The following MOB4 variants were observed in gnomAD, a reference collection of about 807,000 sequenced individuals.
MOB4 encodes the protein MOB family member 4, phocein.
A neutral mutation model predicts 32.2 loss-of-function variants in MOB4; 4 were observed. The observed-to-expected ratio is 0.12, with a 90% confidence interval of 0.06 to 0.28. MOB4 has a LOEUF of 0.28. MOB4 is among the 10% of genes least tolerant of loss of function. The pLI, the probability that MOB4 is intolerant of heterozygous loss-of-function variation, is 1.00. For missense variants in MOB4, 158 were observed against 271.2 expected (o/e 0.58, Z 2.93); for synonymous variants, 88 against 88.1 (o/e 1.00, Z 0.01).
At chr2:197,523,412 G>C (rs2086556257) in intron 1 of MOB4, among the ~76,000 whole-genome samples, 1 of 152,222 alleles carries the variant, frequency 6.6e-6, no homozygotes, top group African/African-American at 2.4e-5. Context: ...AGTGAGCTAT[G>C]ATTGTGCCAC....
chr2:197,529,986 T>C (rs1173008756), intron 2 of MOB4, among the ~76,000 whole-genome samples: 2 of 151,950 alleles, frequency 1.3e-5, no homozygotes, highest in Non-Finnish European at 2.9e-5. Context: ...TCATTTATTT[T>C]TGAAATGGAG....
chr2:197,541,582 C>G (rs1169012172), intron 5 of MOB4, among the ~76,000 whole-genome samples: 1 of 152,188 alleles, frequency 6.6e-6, no homozygotes. Context: ...TGGTTTCATT[C>G]AGGATGTCAC....
chr2:197,544,125 T>C (rs934333998), intron 5 of MOB4, among the ~76,000 whole-genome samples: 3 of 151,960 alleles, frequency 2.0e-5, no homozygotes, highest in African/African-American at 7.2e-5. Flanking sequence ...CAGGCTGGAG[T>C]GCAGTGGCAC....
intron 5 of MOB4, among the ~76,000 whole-genome samples, chr2:197,541,897 C>T (rs979790422): frequency 2.4e-4 from 36 of 150,960 alleles, no homozygotes; most frequent in African/African-American, 7.5e-4. Flanking sequence ...CCAGCCTGGG[C>T]GACAGAGCGA....
At position 197,551,206 on chromosome 2, in the gene MOB4, ATACT is replaced by A. The variant is rs1265886395; in HGVS notation, c.*563_*566del. 1 of 152,372 alleles carries A rather than the reference ATACT, an allele frequency of 6.6e-6. No homozygotes were observed. Among genetic ancestry groups the A allele is most frequent in the East Asian group, 1.9e-4 (1 of 5,340 alleles). 9.4% of individuals were successfully genotyped at this position (152,372 alleles called of 1,614,324 possible). A position where few individuals can be genotyped will look rare whatever the true frequency, so the allele number is the denominator to read the frequency against. On this transcript the variant is annotated 3_prime_UTR_variant, in exon 8 of 8. Transcript: ENST00000323303. ...TACAAATGCAAATGAAGCATTAGTA[ATACT>A]TAAATAATTTTACTGTGCTACATAA...
chr2:197,548,093 C>T (rs1290545850), intron 5 of MOB4, among the ~76,000 whole-genome samples: 1 of 151,894 alleles, frequency 6.6e-6, no homozygotes, highest in Non-Finnish European at 1.5e-5. Flanking sequence ...CTTGTAGGTA[C>T]GATGTTGGGA....
At position 197,553,060 on chromosome 2, in the gene MOB4, G is replaced by C. The variant is rs1231128331; in HGVS notation, c.*2414G>C. 2 of 152,106 alleles carry C rather than the reference G, an allele frequency of 1.3e-5. No homozygotes were observed. Among genetic ancestry groups the C allele is most frequent in the Non-Finnish European group, 2.9e-5 (2 of 68,028 alleles). The allele number at this position is 152,106 out of a possible 1,614,324, so 9.4% of individuals were successfully genotyped here. A position where few individuals can be genotyped will look rare whatever the true frequency, so the allele number is the denominator to read the frequency against. ...GTATACATTTCCTTTTCTCTGACTTGAGATGTCAAATTTGGATTTCTAGAA... is the reference window on the plus strand; with the variant it reads ...GTATACATTTCCTTTTCTCTGACTTCAGATGTCAAATTTGGATTTCTAGAA... On this transcript the variant is annotated 3_prime_UTR_variant, in exon 8 of 8. Coordinates refer to ENST00000323303, the MANE Select transcript of MOB4 (RefSeq NM_015387.5).
At chr2:197,531,110 C>G (rs1406354093) in intron 2 of MOB4, among the ~76,000 whole-genome samples, 2 of 148,360 alleles carry the variant, frequency 1.3e-5, no homozygotes, top group Non-Finnish European at 3.0e-5. Flanking sequence ...TGCAGTGGCG[C>G]GATCTCGGCT....
chr2:197,520,124 T>C (rs2086488535), intron 1 of MOB4, among the ~76,000 whole-genome samples: 1 of 152,116 alleles, frequency 6.6e-6, no homozygotes. Context: ...TCATTCCTTT[T>C]CTTTTCTGTA....
chr2:197,533,798 T>G, intron 2 of MOB4: 1 of 591,174 alleles, frequency 1.7e-6, no homozygotes, highest in Non-Finnish European at 3.3e-6. Flanking sequence ...ACTCAGTTCT[T>G]TGCCATGCCT....
chr2:197,532,066 G>T (rs911916282), intron 2 of MOB4, among the ~76,000 whole-genome samples: 4 of 151,692 alleles, frequency 2.6e-5, no homozygotes, highest in African/African-American at 9.7e-5. Flanking sequence ...GTGCTACCAT[G>T]CCTGGCCAGT....
In MOB4 at chr2:197,550,269, T is replaced by C. The variant is rs746566583; in HGVS notation, c.435-6T>C. 2.5e-6 allele frequency: 4 copies of C among 1,609,064 alleles called. No individual in the cohort carries two copies. In the East Asian group the frequency reaches 8.9e-5, roughly 36 times the overall value. ...TAAGAATCTATGGTTTCTTTTCTAC[T>C]TCTAGGGTTAGCATAAAGGAATCAT... On this transcript the variant is annotated splice_region_variant and splice_polypyrimidine_tract_variant and intron_variant, in intron 6 of 7. Transcript: ENST00000323303.
intron 2 of MOB4, among the ~76,000 whole-genome samples, chr2:197,526,020 G>A (rs957196002): frequency 2.6e-5 from 4 of 152,038 alleles, no homozygotes; most frequent in Non-Finnish European, 2.9e-5. Flanking sequence ...ATCTAGATCT[G>A]TTTTCTTTCT....
intron 5 of MOB4, among the ~76,000 whole-genome samples, chr2:197,543,921 G>A (rs2086943503): frequency 6.6e-6 from 1 of 152,084 alleles, no homozygotes; most frequent in Non-Finnish European, 1.5e-5. Context: ...TGTATTTTTA[G>A]TAGTGACATG....
chr2:197,526,088 GA>G (rs979237087), intron 2 of MOB4, among the ~76,000 whole-genome samples: 4 of 152,250 alleles, frequency 2.6e-5, no homozygotes, highest in Admixed American at 2.6e-4. Context: ...TAAAAGTGGT[GA>G]AAAAGGGCAT....
intron 1 of MOB4, among the ~76,000 whole-genome samples, chr2:197,518,541 C>T (rs1477296356): frequency 6.6e-6 from 1 of 150,982 alleles, no homozygotes; most frequent in Non-Finnish European, 1.5e-5. Flanking sequence ...GGATTACAGG[C>T]GTGAGCCATT....
At chr2:197,523,016 A>T (rs528780272) in intron 1 of MOB4, among the ~76,000 whole-genome samples, 1 of 151,948 alleles carries the variant, frequency 6.6e-6, no homozygotes, top group African/African-American at 2.4e-5. Context: ...CAAAATAATA[A>T]TAATAATATT....
At chr2:197,542,875 CA>C (rs1171961959) in intron 5 of MOB4, among the ~76,000 whole-genome samples, 1 of 152,004 alleles carries the variant, frequency 6.6e-6, no homozygotes, top group South Asian at 2.1e-4. Flanking sequence ...AAATGTCATC[CA>C]AATTAAAAAT....
intron 2 of MOB4, among the ~76,000 whole-genome samples, chr2:197,528,762 CCCG>C: frequency 6.6e-6 from 1 of 150,396 alleles, no homozygotes; most frequent in Admixed American, 6.6e-5. Context: ...ACTACAGGCG[CCCG>C]CCATCACCCC....
Sources: allele counts gnomAD v4.1 joint callset (sites outside exome capture counted in the v4.1 genomes callset), GRCh38; gene constraint gnomAD v4.1.1; transcripts MANE v1.5; gene names NCBI Gene and HGNC (gene_info 2026-07-23, HGNC 2026-07-21).